The following MVB12B variants were observed in gnomAD, a reference collection of about 807,000 sequenced individuals.
The protein encoded by MVB12B is multivesicular body subunit 12B.
In MVB12B, 16 loss-of-function variants were observed where a neutral mutation model predicts 41.6. That is an observed-to-expected ratio of 0.38 (90% confidence interval 0.26 to 0.58). The LOEUF (loss-of-function observed/expected upper bound fraction) is 0.58, where lower values mean the gene tolerates loss of function less well. Ranked by LOEUF, MVB12B falls within the 20% of genes least tolerant of loss-of-function variation. The pLI, the probability that MVB12B is intolerant of heterozygous loss-of-function variation, is 0.62. For synonymous variants in MVB12B, 133 were observed against 139.7 expected (o/e 0.95, Z 0.34); for missense variants, 274 against 380.2 (o/e 0.72, Z 2.32).
In MVB12B at chr9:126,470,646, CTGTGTGTGTGTG is replaced by C. The variant is rs143928729; in HGVS notation, c.758-10703_758-10692del. On this transcript the variant is annotated intron_variant, in intron 7 of 9. Transcript: ENST00000361171. ...GGGGAGCCTAGGAGGAGTCAGTGCT[CTGTGTGTGTGTG>C]TGTGTGTGTGTGTGTGTGTAATCCA... Among the ~76,000 whole-genome samples, 1,044 of 143,616 alleles carry C rather than the reference CTGTGTGTGTGTG, an allele frequency of 7.3e-3. 16 individuals carry two copies. Among genetic ancestry groups the C allele is most frequent in the African/African-American group, 0.025 (993 of 39,578 alleles). 94.2% of individuals were successfully genotyped at this position (143,616 alleles called of 152,430 possible).
At chr9:126,370,196 T>C (rs960218636) in intron 2 of MVB12B, among the ~76,000 whole-genome samples, 3 of 152,170 alleles carry the variant, frequency 2.0e-5, no homozygotes, top group Admixed American at 6.5e-5. Context: ...AGGAATAGAA[T>C]TGCCGGTCAT....
chr9:126,381,486 A>C (rs1022258320), intron 3 of MVB12B, among the ~76,000 whole-genome samples: 1 of 152,170 alleles, frequency 6.6e-6, no homozygotes, highest in Non-Finnish European at 1.5e-5. Flanking sequence ...CGGCAGTGAG[A>C]GTTCTCCAGT....
chr9:126,376,564 G>T lies in MVB12B; in HGVS notation c.205-4500G>T. 7.8e-7 allele frequency: 1 copy of T among 1,289,378 alleles called. No individual in the cohort carries two copies. The highest frequency in any genetic ancestry group is 1.5e-5 in the African/African-American group (1 of 65,978). The allele number at this position is 1,289,378 out of a possible 1,614,324, so 79.9% of individuals were successfully genotyped here. On this transcript the variant is annotated intron_variant, in intron 2 of 9. Coordinates refer to ENST00000361171, the MANE Select transcript of MVB12B (RefSeq NM_033446.3). The surrounding 1 kb of genome is among the most constrained non-coding windows in gnomAD (Gnocchi z 4.1). The stretch of plus-strand genomic sequence containing the variant: ...AGATCGTGGGCTGGTCCACCCTGGC[G>T]CTTTCCAGAGACAAAGCCCTCAGTG...
chr9:126,338,857 A>G (rs1477815652), intron 1 of MVB12B, among the ~76,000 whole-genome samples: 1 of 152,220 alleles, frequency 6.6e-6, no homozygotes, highest in African/African-American at 2.4e-5. Flanking sequence ...TGCACTAAGT[A>G]AATATTCACT....
intron 7 of MVB12B, among the ~76,000 whole-genome samples, chr9:126,441,009 C>T (rs1832624584): frequency 6.6e-6 from 1 of 152,270 alleles, no homozygotes; most frequent in Non-Finnish European, 1.5e-5. Flanking sequence ...GCGGCGAGGC[C>T]TGGGCTGAGG....
chr9:126,487,284 C>G (rs1281809466), intron 9 of MVB12B, among the ~76,000 whole-genome samples: 1 of 152,156 alleles, frequency 6.6e-6, no homozygotes, highest in Middle Eastern at 3.2e-3. Flanking sequence ...CTGCTGGCTG[C>G]CACTGTCATC....
intron 6 of MVB12B, among the ~76,000 whole-genome samples, chr9:126,402,498 G>T (rs1831293106): frequency 6.6e-6 from 1 of 152,164 alleles, no homozygotes; most frequent in Non-Finnish European, 1.5e-5. Context: ...ACAAAAATTA[G>T]CTGGGTGTGG....
chr9:126,336,754 G>GCA (rs113110128), intron 1 of MVB12B, among the ~76,000 whole-genome samples: 45,413 of 150,138 alleles, frequency 0.3, 6,871 homozygotes, highest in South Asian at 0.46. Flanking sequence ...GTGTGTGCAC[G>GCA]CACACACACA....
intron 7 of MVB12B, among the ~76,000 whole-genome samples, chr9:126,453,014 G>A (rs1474844860): frequency 6.6e-6 from 1 of 151,902 alleles, no homozygotes; most frequent in Non-Finnish European, 1.5e-5. Context: ...CTCTGCCCCC[G>A]AGACAAGCCC....
At chr9:126,384,769 G>A (rs1234216883) in intron 3 of MVB12B, among the ~76,000 whole-genome samples, 1 of 151,136 alleles carries the variant, frequency 6.6e-6, no homozygotes, top group Non-Finnish European at 1.5e-5. Flanking sequence ...CTGACCTCAA[G>A]TGATCCACCT....
intron 7 of MVB12B, among the ~76,000 whole-genome samples, chr9:126,453,895 G>A: frequency 6.6e-6 from 1 of 152,100 alleles, no homozygotes; most frequent in African/African-American, 2.4e-5. Flanking sequence ...TACCTTCCAG[G>A]GCTGGGACAA....
chr9:126,335,339 C>T, intron 1 of MVB12B: 1 of 1,304,276 alleles, frequency 7.7e-7, no homozygotes, highest in Non-Finnish European at 1.0e-6. Context: ...ACGGGTGGCC[C>T]CAAAGCCAGC....
At chr9:126,470,865 T>C (rs1284645663) in intron 7 of MVB12B, among the ~76,000 whole-genome samples, 1 of 152,150 alleles carries the variant, frequency 6.6e-6, no homozygotes, top group Non-Finnish European at 1.5e-5. Context: ...CGTTCTTATG[T>C]GAAAGCAGGT....
intron 7 of MVB12B, among the ~76,000 whole-genome samples, chr9:126,471,381 C>T (rs1255256517): frequency 6.6e-6 from 1 of 152,242 alleles, no homozygotes; most frequent in African/African-American, 2.4e-5. Context: ...CGCCTGTGCT[C>T]CGTCCTCCCG....
intron 2 of MVB12B, among the ~76,000 whole-genome samples, chr9:126,346,160 G>T (rs1829580808): frequency 6.6e-6 from 1 of 152,194 alleles, no homozygotes; most frequent in South Asian, 2.1e-4. Context: ...AGATCACTTG[G>T]TTGGCACGGA....
intron 1 of MVB12B, among the ~76,000 whole-genome samples, chr9:126,336,112 C>T (rs945265481): frequency 7.9e-5 from 12 of 152,364 alleles, no homozygotes; most frequent in Admixed American, 7.2e-4. Flanking sequence ...TTGTTGCTCC[C>T]TGAAAGCACT....
chr9:126,449,194 G>C (rs1400365121), intron 7 of MVB12B, among the ~76,000 whole-genome samples: 2 of 152,222 alleles, frequency 1.3e-5, no homozygotes. Flanking sequence ...AGAGCCCCGG[G>C]CAGTGAGTGG....
chr9:126,403,368 G>A (rs1831321983), intron 6 of MVB12B, among the ~76,000 whole-genome samples: 1 of 152,202 alleles, frequency 6.6e-6, no homozygotes, highest in Non-Finnish European at 1.5e-5. Context: ...AGAATGCTTA[G>A]GATTGGCCCT....
chr9:126,461,372 TA>T (rs943789521), intron 7 of MVB12B, among the ~76,000 whole-genome samples: 37 of 150,880 alleles, frequency 2.5e-4, no homozygotes, highest in Middle Eastern at 3.4e-3. Flanking sequence ...TCACTATATA[TA>T]AAAAAAAAAA....
Sources: gnomAD v4.1 joint callset for allele counts (sites outside exome capture counted in the v4.1 genomes callset) on GRCh38, gnomAD v4.1.1 for gene constraint, Gnocchi (gnomAD v3.1) non-coding constraint, MANE v1.5 for transcripts, NCBI Gene and HGNC (gene_info 2026-07-23, HGNC 2026-07-21) for gene names.